SHISA9: variants seen among roughly 807,000 people sequenced by gnomAD.
SHISA9 encodes protein shisa-9.
Under a neutral mutation model 38.0 loss-of-function variants are expected in SHISA9, and 13 were observed. That is an observed-to-expected ratio of 0.34 (90% CI 0.22 to 0.54). The LOEUF (loss-of-function observed/expected upper bound fraction) is 0.54, where lower values mean the gene tolerates loss of function less well. Ranked by LOEUF, SHISA9 falls within the 20% of genes least tolerant of loss-of-function variation. The pLI is 0.91. For synonymous variants in SHISA9, 275 were observed against 242.0 expected (o/e 1.14, Z -1.27); for missense variants, 538 against 575.8 (o/e 0.93, Z 0.67).
the SHISA9 span, among the ~76,000 whole-genome samples, chr16:13,308,719 A>G: frequency 6.6e-5 from 10 of 152,226 alleles, no homozygotes; most frequent in East Asian, 1.5e-3. Context: ...TGTTGTTGTC[A>G]TCCATTGATT....
At chr16:13,368,267 C>G in the SHISA9 span, among the ~76,000 whole-genome samples, 1 of 152,060 alleles carries the variant, frequency 6.6e-6, no homozygotes, top group Admixed American at 6.6e-5. Context: ...GCTTCTGAGG[C>G]AGTGAGGTGA....
the SHISA9 span, among the ~76,000 whole-genome samples, chr16:13,257,413 C>T: frequency 5.9e-5 from 9 of 152,168 alleles, no homozygotes; most frequent in Non-Finnish European, 1.0e-4. Context: ...GCCCATAAGG[C>T]ATTAAGTAGC....
chr16:13,485,881 A>G, the SHISA9 span, among the ~76,000 whole-genome samples: 5 of 152,230 alleles, frequency 3.3e-5, no homozygotes, highest in African/African-American at 1.2e-4. Context: ...ATGAGTGAGA[A>G]TCTGAGATGT....
the SHISA9 span, among the ~76,000 whole-genome samples, chr16:13,337,861 C>T: frequency 1.3e-5 from 2 of 152,072 alleles, no homozygotes; most frequent in African/African-American, 4.8e-5. Flanking sequence ...CCTGCTCTGC[C>T]ATGTAAAGAT....
chr16:13,032,479 G>A (rs1044346067), intron 2 of SHISA9, among the ~76,000 whole-genome samples: 3 of 152,078 alleles, frequency 2.0e-5, no homozygotes, highest in African/African-American at 7.2e-5. Flanking sequence ...AAAAAAATGT[G>A]TCACTGATGA....
rs1304008203 is a variant in SHISA9 at position 13,235,698 on chromosome 16, T to C, written c.*289T>C. Reference sequence around the variant, plus strand: ...TCAGGCCCAAGATGGCCAACTCACATGCCCAAACCGTGGGGCTGAGTTTTC... The same window carrying C: ...TCAGGCCCAAGATGGCCAACTCACACGCCCAAACCGTGGGGCTGAGTTTTC... On this transcript the variant is annotated 3_prime_UTR_variant, in exon 5 of 5. Coordinates refer to ENST00000558583, the MANE Select transcript of SHISA9 (RefSeq NM_001145204.3). 4 of 389,760 alleles carry C rather than the reference T, an allele frequency of 1.0e-5. No individual in the cohort carries two copies. Among genetic ancestry groups the C allele is most frequent in the South Asian group, 7.2e-5 (1 of 13,932 alleles). The allele number at this position is 389,760 out of a possible 1,614,324, so 24.1% of individuals were successfully genotyped here.
intron 2 of SHISA9, among the ~76,000 whole-genome samples, chr16:13,048,769 A>G (rs145595558): frequency 1.1e-4 from 16 of 152,340 alleles, no homozygotes; most frequent in African/African-American, 3.4e-4. Flanking sequence ...AGGAATCTAG[A>G]AAAGAAGTTC....
chr16:12,970,472 T>TACAC (rs2072060489), intron 2 of SHISA9, among the ~76,000 whole-genome samples: 2 of 16,408 alleles, frequency 1.2e-4, no homozygotes, highest in African/African-American at 4.5e-4. Flanking sequence ...TGTGTGTGTA[T>TACAC]ATATATATAT....
At chr16:12,969,093 G>T (rs2072019800) in intron 2 of SHISA9, among the ~76,000 whole-genome samples, 1 of 149,810 alleles carries the variant, frequency 6.7e-6, no homozygotes, top group African/African-American at 2.4e-5. Flanking sequence ...GGGGGCAAAG[G>T]TTACAGTGAG....
chr16:13,382,885 TA>T, the SHISA9 span, among the ~76,000 whole-genome samples: 6 of 152,118 alleles, frequency 3.9e-5, no homozygotes, highest in Non-Finnish European at 7.3e-5. Flanking sequence ...AAAGTAAATT[TA>T]AAAAATTGTT....
chr16:12,938,161 G>C (rs1412580005), intron 2 of SHISA9, among the ~76,000 whole-genome samples: 2 of 152,308 alleles, frequency 1.3e-5, no homozygotes, highest in South Asian at 2.1e-4. Context: ...AGGTGTTGGG[G>C]TCCATCCCGA....
intron 2 of SHISA9, among the ~76,000 whole-genome samples, chr16:13,176,222 T>C (rs2050730602): frequency 6.6e-6 from 1 of 152,150 alleles, no homozygotes; most frequent in African/African-American, 2.4e-5. Flanking sequence ...TGGAGGGGGC[T>C]TATATAGCCA....
chr16:12,991,889 C>T (rs188369677), intron 2 of SHISA9, among the ~76,000 whole-genome samples: 114 of 151,956 alleles, frequency 7.5e-4, no homozygotes, highest in Admixed American at 1.7e-3. Flanking sequence ...AAAAATATAT[C>T]CTTAGCTTAT....
At chr16:13,248,817 A>C in the SHISA9 span, among the ~76,000 whole-genome samples, 3 of 152,192 alleles carry the variant, frequency 2.0e-5, no homozygotes, top group African/African-American at 7.2e-5. Context: ...TTTGGAAGAA[A>C]CTGGTAAGGG....
intron 2 of SHISA9, among the ~76,000 whole-genome samples, chr16:12,919,374 T>C (rs1388403724): frequency 6.6e-6 from 1 of 152,218 alleles, no homozygotes; most frequent in African/African-American, 2.4e-5. Flanking sequence ...CGTCATGCTA[T>C]TTTCAGTTTG....
chr16:13,404,098 A>G, the SHISA9 span, among the ~76,000 whole-genome samples: 2 of 152,142 alleles, frequency 1.3e-5, no homozygotes, highest in African/African-American at 2.4e-5. Context: ...ACTTTCCTCT[A>G]TTATTTTGTT....
At chr16:13,289,476 G>A in the SHISA9 span, among the ~76,000 whole-genome samples, 1 of 151,784 alleles carries the variant, frequency 6.6e-6, no homozygotes, top group Non-Finnish European at 1.5e-5. Flanking sequence ...TTTCAGTTGT[G>A]GGACAAAAGT....
intron 2 of SHISA9, among the ~76,000 whole-genome samples, chr16:13,027,624 T>C (rs1418567747): frequency 6.6e-6 from 1 of 152,058 alleles, no homozygotes; most frequent in Non-Finnish European, 1.5e-5. Context: ...AAATAATGAA[T>C]ATTGATTCAC....
the SHISA9 span, among the ~76,000 whole-genome samples, chr16:13,517,001 T>G: frequency 3.9e-5 from 6 of 152,332 alleles, no homozygotes; most frequent in Admixed American, 2.6e-4. Flanking sequence ...TGTGGTGATT[T>G]GATGTTATCC....
Sources: gnomAD v4.1 joint callset for allele counts (sites outside exome capture counted in the v4.1 genomes callset) on GRCh38, gnomAD v4.1.1 for gene constraint, MANE v1.5 for transcripts, NCBI Gene and HGNC (gene_info 2026-07-23, HGNC 2026-07-21) for gene names.